The following CPNE4 variants were observed in gnomAD, a reference collection of about 807,000 sequenced individuals.
CPNE4 encodes copine 4.
A neutral mutation model predicts 67.9 loss-of-function variants in CPNE4; 25 were observed. That is an observed-to-expected ratio of 0.37 (90% CI 0.27 to 0.51). The LOEUF is 0.51. Ranked by LOEUF, CPNE4 falls within the 20% of genes least tolerant of loss-of-function variation. The pLI, the probability that CPNE4 is intolerant of heterozygous loss-of-function variation, is 0.93. For synonymous variants in CPNE4, 242 were observed against 244.9 expected, an observed-to-expected ratio of 0.99 and a Z score of 0.11; for missense variants, 464 against 690.8, an observed-to-expected ratio of 0.67 and a Z score of 3.68.
intron 1 of CPNE4, among the ~76,000 whole-genome samples, chr3:131,910,689 T>C (rs1254429651): frequency 6.6e-6 from 1 of 152,062 alleles, no homozygotes; most frequent in Middle Eastern, 3.2e-3. Context: ...CTGAAAGCAA[T>C]CAGGCATTCC....
At chr3:131,973,448 T>C (rs991647019) in intron 1 of CPNE4, among the ~76,000 whole-genome samples, 1 of 152,224 alleles carries the variant, frequency 6.6e-6, no homozygotes, top group African/African-American at 2.4e-5. Context: ...TAGCCTCTGA[T>C]ATGGATCAGG....
chr3:131,826,726 G>T (rs1476753346), intron 2 of CPNE4, among the ~76,000 whole-genome samples: 8 of 152,144 alleles, frequency 5.3e-5, no homozygotes, highest in Non-Finnish European at 5.9e-5. Flanking sequence ...ATTCAGAAAA[G>T]ATGCATTTAA....
chr3:131,978,020 T>C (rs1032056563), intron 1 of CPNE4, among the ~76,000 whole-genome samples: 4 of 134,168 alleles, frequency 3.0e-5, no homozygotes, highest in Admixed American at 8.6e-5. Context: ...TTCATTCCTT[T>C]TTTATGGCTG....
At chr3:131,743,787 C>T in intron 2 of CPNE4, among the ~76,000 whole-genome samples, 1 of 151,166 alleles carries the variant, frequency 6.6e-6, no homozygotes. Flanking sequence ...CACGGTGAAA[C>T]CCCGTCTCTA....
chr3:132,024,484 G>A (rs1458768384), intron 1 of CPNE4, among the ~76,000 whole-genome samples: 4 of 84,080 alleles, frequency 4.8e-5, no homozygotes, highest in East Asian at 2.2e-4. Flanking sequence ...GGAGCAAAAT[G>A]GTTTTTAAGG....
chr3:131,760,464 C>A (rs1173748351), intron 2 of CPNE4, among the ~76,000 whole-genome samples: 2 of 152,008 alleles, frequency 1.3e-5, no homozygotes, highest in African/African-American at 4.8e-5. Flanking sequence ...GAAAAAAAAA[C>A]TATTTCCAGT....
intron 3 of CPNE4, among the ~76,000 whole-genome samples, chr3:131,710,798 G>T (rs1446398583): frequency 6.6e-6 from 1 of 152,164 alleles, no homozygotes; most frequent in Non-Finnish European, 1.5e-5. Context: ...AAAGGGACAA[G>T]AATCTTTTTC....
chr3:131,758,658 G>T (rs1020601716), intron 2 of CPNE4, among the ~76,000 whole-genome samples: 1 of 152,042 alleles, frequency 6.6e-6, no homozygotes, highest in Non-Finnish European at 1.5e-5. Context: ...GGAGGGGCTG[G>T]GGCAGATTGA....
At chr3:131,925,821 G>A (rs1480895474) in intron 1 of CPNE4, among the ~76,000 whole-genome samples, 1 of 152,150 alleles carries the variant, frequency 6.6e-6, no homozygotes, top group South Asian at 2.1e-4. Context: ...ATGAACACTT[G>A]AGAAATAAAC....
At chr3:131,609,083 T>C (rs528034065) in intron 7 of CPNE4, among the ~76,000 whole-genome samples, 7 of 152,314 alleles carry the variant, frequency 4.6e-5, no homozygotes, top group African/African-American at 1.7e-4. Context: ...AACTTTATTC[T>C]ATCCTTGTAC....
At chr3:131,659,603 AAAACATTTT>A (rs2080071859) in intron 7 of CPNE4, among the ~76,000 whole-genome samples, 1 of 152,212 alleles carries the variant, frequency 6.6e-6, no homozygotes, top group Non-Finnish European at 1.5e-5. Flanking sequence ...GACTTTTTCA[AAAACATTTT>A]TTAAAAAAAT....
chr3:131,971,698 A>G (rs2072508360), intron 1 of CPNE4, among the ~76,000 whole-genome samples: 1 of 151,998 alleles, frequency 6.6e-6, no homozygotes, highest in African/African-American at 2.4e-5. Context: ...TTAGGTTTCC[A>G]TCTGGGGGCA....
intron 2 of CPNE4, among the ~76,000 whole-genome samples, chr3:131,900,026 T>C (rs2088490302): frequency 6.6e-6 from 1 of 152,024 alleles, no homozygotes; most frequent in South Asian, 2.1e-4. Flanking sequence ...CTAGGTCATA[T>C]GGTGACCAAA....
At position 131,685,906 on chromosome 3, in the gene CPNE4, T is replaced by C; in HGVS notation, c.560A>G (p.Asp187Gly). 1 of 1,613,506 alleles carries C rather than the reference T, an allele frequency of 6.2e-7. No individual in the cohort carries two copies. The highest frequency in any genetic ancestry group is 8.5e-7 in the Non-Finnish European group (1 of 1,179,458). ...PFLEIFRMNDDATQQLVHRTE... is the reference protein window; with the variant it reads ...PFLEIFRMNDGATQQLVHRTE... ...TCGGTGCACCAGCTGCTGAGTTGCA[T>C]CATCATTCATACGAAAAATTTCCAG... The change falls in exon 6 of 16, where the codon GAT becomes GGT. Residue 187 changes from aspartate to glycine, a missense_variant. This residue lies in a region of CPNE4 where 58 missense variants were observed against 63.5 expected (regional missense o/e 0.91). Coordinates refer to ENST00000429747, the MANE Select transcript of CPNE4 (RefSeq NM_130808.3).
intron 2 of CPNE4, among the ~76,000 whole-genome samples, chr3:131,888,075 T>C (rs1178659969): frequency 6.6e-6 from 1 of 152,214 alleles, no homozygotes; most frequent in East Asian, 1.9e-4. Context: ...GTCCTAGACA[T>C]TGTGGAACTG....
intron 2 of CPNE4, among the ~76,000 whole-genome samples, chr3:131,819,493 C>CAT (rs1479604312): frequency 5.0e-5 from 4 of 79,536 alleles, no homozygotes; most frequent in Admixed American, 1.1e-4. Context: ...CACACAGATA[C>CAT]ACACACACAC....
At chr3:131,909,654 T>C (rs2107786124) in intron 1 of CPNE4, among the ~76,000 whole-genome samples, 1 of 152,300 alleles carries the variant, frequency 6.6e-6, no homozygotes, top group South Asian at 2.1e-4. Context: ...ATTTTTCTCC[T>C]AGTCTGAGGT....
intron 3 of CPNE4, among the ~76,000 whole-genome samples, chr3:131,717,825 T>C (rs570293139): frequency 6.8e-6 from 1 of 146,066 alleles, no homozygotes; most frequent in South Asian, 2.2e-4. Flanking sequence ...GCCAAAGTGA[T>C]CTTTCTTCCT....
intron 1 of CPNE4, among the ~76,000 whole-genome samples, chr3:131,995,512 T>C (rs1269013904): frequency 1.3e-5 from 2 of 152,130 alleles, no homozygotes; most frequent in Non-Finnish European, 2.9e-5. Context: ...CACCTGTACT[T>C]ACTCGGCCAC....
Sources: gnomAD v4.1 joint callset for allele counts (sites outside exome capture counted in the v4.1 genomes callset) on GRCh38, gnomAD v4.1.1 for gene constraint, gnomAD v4.1.1 regional missense constraint, MANE v1.5 for transcripts, NCBI Gene and HGNC (gene_info 2026-07-23, HGNC 2026-07-21) for gene names.